SEPTIN9: variants seen among roughly 807,000 people sequenced by gnomAD.
The protein encoded by SEPTIN9 is septin 9.
SEPTIN9 carries 13 observed loss-of-function variants against 56.6 expected under a neutral mutation model. The ratio of observed to expected loss-of-function variants is 0.23; its 90% CI spans 0.15 to 0.37. The LOEUF is 0.37. Ranked by LOEUF, SEPTIN9 falls within the 10% of genes least tolerant of loss-of-function variation. SEPTIN9 has a pLI of 1.00. For missense variants in SEPTIN9, 650 were observed against 823.1 expected, an observed-to-expected ratio of 0.79 and a Z score of 2.57; for synonymous variants, 332 against 334.1, an observed-to-expected ratio of 0.99 and a Z score of 0.07.
chr17:77,308,905 A>C (rs1383421181), intron 2 of SEPTIN9, among the ~76,000 whole-genome samples: 1 of 152,232 alleles, frequency 6.6e-6, no homozygotes, highest in African/African-American at 2.4e-5. Flanking sequence ...ATGGGACTGT[A>C]TGTGGGAAGA....
chr17:77,459,196 G>A (rs1398021908), intron 3 of SEPTIN9, among the ~76,000 whole-genome samples: 3 of 152,214 alleles, frequency 2.0e-5, no homozygotes, highest in African/African-American at 7.2e-5. Flanking sequence ...GAGACCACTT[G>A]CCTAAAGTCC....
intron 2 of SEPTIN9, among the ~76,000 whole-genome samples, chr17:77,384,451 G>A (rs2035259064): frequency 6.6e-6 from 1 of 151,872 alleles, no homozygotes; most frequent in African/African-American, 2.4e-5. Flanking sequence ...GCTGTGAGCT[G>A]GCAACTCCGA....
At chr17:77,357,961 A>G (rs972566495) in intron 2 of SEPTIN9, among the ~76,000 whole-genome samples, 1 of 152,212 alleles carries the variant, frequency 6.6e-6, no homozygotes, top group African/African-American at 2.4e-5. Context: ...ATTCCTATGA[A>G]ACGAGGGCGT....
chr17:77,382,832 C>G (rs578167046), intron 2 of SEPTIN9, among the ~76,000 whole-genome samples: 1 of 151,992 alleles, frequency 6.6e-6, no homozygotes, highest in Non-Finnish European at 1.5e-5. Flanking sequence ...GAGGCAAAGG[C>G]GAGGGAGGAG....
chr17:77,474,193 G>A (rs2039118511), intron 3 of SEPTIN9, among the ~76,000 whole-genome samples: 1 of 152,180 alleles, frequency 6.6e-6, no homozygotes, highest in African/African-American at 2.4e-5. Flanking sequence ...GGTGTCTGCT[G>A]GGTAGATCTA....
At chr17:77,331,870 G>C (rs1280342078) in intron 2 of SEPTIN9, among the ~76,000 whole-genome samples, 1 of 152,202 alleles carries the variant, frequency 6.6e-6, no homozygotes, top group Non-Finnish European at 1.5e-5. Context: ...AGGGGGAAAG[G>C]GGGTGGTCTC....
intron 2 of SEPTIN9, among the ~76,000 whole-genome samples, chr17:77,401,310 C>T (rs750303517): frequency 2.4e-4 from 37 of 152,248 alleles, no homozygotes; most frequent in African/African-American, 8.7e-4. Context: ...GTTCCTGCTG[C>T]GGTTCTGATT....
In SEPTIN9 at chr17:77,389,396, C is replaced by T. The variant is rs1269171182; in HGVS notation, c.77-12663C>T. On this transcript the variant is annotated intron_variant, in intron 2 of 11. Coordinates refer to ENST00000427177, the MANE Select transcript of SEPTIN9 (RefSeq NM_001113491.2). This position sits in a 1 kb window ranked among gnomAD's most constrained non-coding sequence, Gnocchi z 4.3. ...GAGGACGGAGAGCTGCCAGAGAGGC[C>T]CTGGCGGGGTGTCTGGGGCCACCTA... Among the ~76,000 whole-genome samples the T allele has an allele frequency of 2.0e-5, 3 of 152,052 alleles. No individual in the cohort carries two copies. Among genetic ancestry groups the T allele is most frequent in the Admixed American group, 1.3e-4 (2 of 15,282 alleles).
chr17:77,346,170 G>A (rs796356897), intron 2 of SEPTIN9, among the ~76,000 whole-genome samples: 28 of 150,970 alleles, frequency 1.9e-4, no homozygotes, highest in African/African-American at 5.6e-4. Flanking sequence ...TTGAACTCCT[G>A]ATCTCAGGTG....
chr17:77,291,269 C>T (rs1028904946), intron 1 of SEPTIN9, among the ~76,000 whole-genome samples: 6 of 151,094 alleles, frequency 4.0e-5, no homozygotes, highest in Admixed American at 2.0e-4. Context: ...CTCCTGACCT[C>T]GTGATCCACC....
intron 1 of SEPTIN9, among the ~76,000 whole-genome samples, chr17:77,291,049 T>C (rs543024254): frequency 0.16 from 22,408 of 139,852 alleles, 2,168 homozygotes; most frequent in African/African-American, 0.29. Context: ...TTTTTTTTTT[T>C]TTTTGAGACA....
rs2033157343 is a variant in SEPTIN9, at chr17:77,326,781, C to A, written c.76+19584C>A. Reference sequence around the variant, plus strand: ...AATCACAAGGTTCAGCACCACCCCGCAACCTCCAGGTAGGGGAGAGGGGCT... The same window carrying A: ...AATCACAAGGTTCAGCACCACCCCGAAACCTCCAGGTAGGGGAGAGGGGCT... On this transcript the variant is annotated intron_variant, in intron 2 of 11. Transcript: ENST00000427177. The surrounding 1 kb of genome is among the most constrained non-coding windows in gnomAD (Gnocchi z 5.1). 6.6e-6 allele frequency among the ~76,000 whole-genome samples: 1 copy of A among 152,154 alleles called. No individual in the cohort carries two copies. The highest frequency in any genetic ancestry group is 6.5e-5 in the Admixed American group (1 of 15,274).
At chr17:77,357,841 A>G (rs1261869347) in intron 2 of SEPTIN9, among the ~76,000 whole-genome samples, 12 of 152,164 alleles carry the variant, frequency 7.9e-5, no homozygotes, top group Non-Finnish European at 1.5e-4. Flanking sequence ...CACTTCTCAC[A>G]AAGCCAGGGT....
intron 2 of SEPTIN9, among the ~76,000 whole-genome samples, chr17:77,390,512 C>T (rs1352942725): frequency 3.8e-5 from 5 of 130,852 alleles, no homozygotes; most frequent in South Asian, 2.5e-4. Flanking sequence ...AGTGCAGTGG[C>T]GCGATCTCGG....
intron 2 of SEPTIN9, among the ~76,000 whole-genome samples, chr17:77,350,656 C>A (rs886752439): frequency 2.8e-5 from 4 of 144,098 alleles, no homozygotes; most frequent in African/African-American, 1.0e-4. Flanking sequence ...TGCATTACAC[C>A]CTTCTACAGA....
intron 2 of SEPTIN9, among the ~76,000 whole-genome samples, chr17:77,342,533 C>T (rs2033766949): frequency 6.6e-6 from 1 of 152,202 alleles, no homozygotes; most frequent in African/African-American, 2.4e-5. Flanking sequence ...GTACTTGCTT[C>T]AGCGCATTAG....
chr17:77,478,759 G>T (rs998124828), intron 3 of SEPTIN9, among the ~76,000 whole-genome samples: 1 of 150,500 alleles, frequency 6.6e-6, no homozygotes, highest in Non-Finnish European at 1.5e-5. Context: ...AGCCGAGATC[G>T]CGCCATTGCA....
At chr17:77,302,975 G>A (rs529841448) in intron 1 of SEPTIN9, among the ~76,000 whole-genome samples, 6 of 152,150 alleles carry the variant, frequency 3.9e-5, no homozygotes, top group East Asian at 3.9e-4. Flanking sequence ...TCCTGTCTTC[G>A]GCATCTGCTC....
chr17:77,492,191 TC>T lies in SEPTIN9; in HGVS notation c.1381-429del, dbSNP rs1288281730. Among the ~76,000 whole-genome samples the T allele has an allele frequency of 6.6e-6, 1 of 152,144 alleles. No homozygotes were observed. Among genetic ancestry groups the T allele is most frequent in the East Asian group, 1.9e-4 (1 of 5,178 alleles). On this transcript the variant is annotated intron_variant, in intron 8 of 11. Coordinates refer to ENST00000427177, the MANE Select transcript of SEPTIN9 (RefSeq NM_001113491.2). This position sits in a 1 kb window ranked among gnomAD's most constrained non-coding sequence, Gnocchi z 5.4. ...GCGAGCAGCCGCTCACTGGGATGTT[TC>T]TGTTGCACGTACCCATGTCGGGCTG... is the stretch of plus-strand genomic sequence containing the variant.
Sources: gnomAD v4.1 joint callset for allele counts (sites outside exome capture counted in the v4.1 genomes callset) on GRCh38, gnomAD v4.1.1 for gene constraint, Gnocchi (gnomAD v3.1) non-coding constraint, MANE v1.5 for transcripts, NCBI Gene and HGNC (gene_info 2026-07-23, HGNC 2026-07-21) for gene names.